PITPNC1: variants seen among roughly 807,000 people sequenced by gnomAD.
PITPNC1 encodes phosphatidylinositol transfer protein cytoplasmic 1, also known as cytoplasmic phosphatidylinositol transfer protein 1.
In PITPNC1, 18 loss-of-function variants were observed where a neutral mutation model predicts 44.7. The observed-to-expected ratio is 0.40, with a 90% CI of 0.28 to 0.60. The LOEUF is 0.60. Among genes scored for constraint, PITPNC1 ranks in the 20% least tolerant of loss-of-function variants. The pLI is 0.39. For synonymous variants in PITPNC1, 141 were observed against 149.6 expected (o/e 0.94, Z 0.42); for missense variants, 290 against 418.4 (o/e 0.69, Z 2.68).
Position 67,377,421 on chromosome 17 carries a change from A to G in PITPNC1, c.-734A>G, listed in dbSNP as rs1436026852. 7 of 152,710 alleles carry G rather than the reference A, an allele frequency of 4.6e-5. No homozygotes were observed. The highest frequency in any genetic ancestry group is 1.0e-4 in the Non-Finnish European group (7 of 67,950). The allele number at this position is 152,710 out of a possible 1,614,324, so 9.5% of individuals were successfully genotyped here. A position where few individuals can be genotyped will look rare whatever the true frequency, so the allele number is the denominator to read the frequency against. On this transcript the variant is annotated 5_prime_UTR_variant, in exon 1 of 9. Transcript: ENST00000581322. ...GGAGGGGACGCGCGCGGAAGGCGCC[A>G]GCTTCCTCCCGCCCGCCCCTGGCAG...
At chr17:67,533,001 C>T in intron 2 of PITPNC1, 51 bp downstream of exon 2, 3 of 1,498,704 alleles carry the variant, frequency 2.0e-6, no homozygotes, top group Non-Finnish European at 2.7e-6. Flanking sequence ...CCACCTGACC[C>T]CATGGTGTGA....
intron 1 of PITPNC1, among the ~76,000 whole-genome samples, chr17:67,467,896 T>C (rs58710922): frequency 0.014 from 2,107 of 152,318 alleles, 43 homozygotes; most frequent in African/African-American, 0.047. Context: ...TAGAGACTCC[T>C]AATGTGTCAG....
rs779695399 is a variant in PITPNC1, at chr17:67,532,900, C to T, written c.147C>T (p.Asp49=). 40 of 1,610,072 alleles carry T rather than the reference C, an allele frequency of 2.5e-5. No homozygotes were observed. Among genetic ancestry groups the T allele is most frequent in the Non-Finnish European group, 3.1e-5 (37 of 1,178,492 alleles). ...TCGTCCAGAATGAGCCCTTTGAGGA[C>T]CCTCACCATGGCAATGGGCAGTTCA... ...VEVVQNEPFE[D]PHHGNGQFTE... The change falls in exon 2 of 9, where the codon GAC becomes GAT. Residue 49 remains aspartate, a synonymous_variant. Coordinates refer to ENST00000581322, the MANE Select transcript of PITPNC1 (RefSeq NM_012417.4).
At chr17:67,552,805 CAAA>C (rs10601654) in intron 3 of PITPNC1, among the ~76,000 whole-genome samples, 31 of 63,456 alleles carry the variant, frequency 4.9e-4, no homozygotes, top group African/African-American at 5.0e-4. Context: ...GAGACTCCGT[CAAA>C]AAAAAAAAAA....
intron 5 of PITPNC1, among the ~76,000 whole-genome samples, chr17:67,590,766 C>T (rs772989778): frequency 2.2e-4 from 33 of 151,990 alleles, no homozygotes; most frequent in Middle Eastern, 3.4e-3. Flanking sequence ...AGTTGGAGAC[C>T]ACGGTGAAAC....
intron 8 of PITPNC1, among the ~76,000 whole-genome samples, chr17:67,689,228 AAAAT>A (rs769070205): frequency 1.1e-4 from 16 of 151,182 alleles, no homozygotes; most frequent in East Asian, 3.9e-4. Context: ...TAAATAAAGT[AAAAT>A]AAATAAATAA....
chr17:67,586,589 C>A (rs917534814), intron 5 of PITPNC1, among the ~76,000 whole-genome samples: 2 of 151,814 alleles, frequency 1.3e-5, no homozygotes, highest in Admixed American at 1.3e-4. Flanking sequence ...GAGCAAAACT[C>A]CATCTCAGGA....
At chr17:67,452,589 T>G (rs1031126776) in intron 1 of PITPNC1, among the ~76,000 whole-genome samples, 5 of 146,564 alleles carry the variant, frequency 3.4e-5, no homozygotes, top group Admixed American at 2.7e-4. Context: ...TCCTCCTGGG[T>G]TCAAGTGATT....
intron 1 of PITPNC1, among the ~76,000 whole-genome samples, chr17:67,453,627 C>T (rs1416786324): frequency 1.3e-5 from 2 of 152,180 alleles, no homozygotes; most frequent in South Asian, 2.1e-4. Context: ...ACATCAGCGA[C>T]GTTGTGGAGG....
chr17:67,650,436 A>G (rs989130292), intron 6 of PITPNC1, among the ~76,000 whole-genome samples: 8 of 131,678 alleles, frequency 6.1e-5, no homozygotes, highest in Non-Finnish European at 9.4e-5. Flanking sequence ...GCTAGAAACC[A>G]TAGGCTTTTT....
At chr17:67,480,644 A>AT (rs544828652) in intron 1 of PITPNC1, among the ~76,000 whole-genome samples, 250 of 151,478 alleles carry the variant, frequency 1.7e-3, no homozygotes, top group Non-Finnish European at 2.8e-3. Context: ...ACATGTATGT[A>AT]TTTTTTTTTG....
intron 1 of PITPNC1, among the ~76,000 whole-genome samples, chr17:67,426,795 A>AT (rs941816634): frequency 1.5e-4 from 23 of 151,952 alleles, no homozygotes; most frequent in African/African-American, 5.6e-4. Flanking sequence ...TATCATCATG[A>AT]TTTTTTTAAA....
At chr17:67,455,597 T>G (rs1009319997) in intron 1 of PITPNC1, among the ~76,000 whole-genome samples, 2 of 133,726 alleles carry the variant, frequency 1.5e-5, no homozygotes, top group Admixed American at 8.3e-5. Flanking sequence ...TTTTTTTTGT[T>G]TTTTTTTGTT....
At chr17:67,592,797 G>A (rs2041409807) in intron 5 of PITPNC1, among the ~76,000 whole-genome samples, 1 of 152,226 alleles carries the variant, frequency 6.6e-6, no homozygotes, top group Non-Finnish European at 1.5e-5. Flanking sequence ...AGCACTTTGG[G>A]AGGCCAAGGC....
At chr17:67,520,307 A>G (rs1283908759) in intron 1 of PITPNC1, among the ~76,000 whole-genome samples, 1 of 152,188 alleles carries the variant, frequency 6.6e-6, no homozygotes, top group Non-Finnish European at 1.5e-5. Context: ...CGGATGGCGC[A>G]GGATATGTGT....
At chr17:67,610,185 C>T (rs1290660516) in intron 5 of PITPNC1, among the ~76,000 whole-genome samples, 2 of 152,160 alleles carry the variant, frequency 1.3e-5, no homozygotes, top group African/African-American at 2.4e-5. Context: ...GTTAGGATCT[C>T]AGGCCCCACC....
At chr17:67,639,412 G>A (rs2144347262) in intron 6 of PITPNC1, among the ~76,000 whole-genome samples, 1 of 152,336 alleles carries the variant, frequency 6.6e-6, no homozygotes, top group South Asian at 2.1e-4. Context: ...TCTTGTTACA[G>A]ATGAAGCAAT....
intron 4 of PITPNC1, among the ~76,000 whole-genome samples, chr17:67,567,420 C>G (rs943694449): frequency 6.6e-6 from 1 of 151,590 alleles, no homozygotes; most frequent in Non-Finnish European, 1.5e-5. Flanking sequence ...GGAGGCAGAG[C>G]GTGCAGTGAG....
intron 1 of PITPNC1, among the ~76,000 whole-genome samples, chr17:67,442,308 G>GA (rs1292310003): frequency 1.0e-4 from 14 of 135,018 alleles, no homozygotes; most frequent in South Asian, 2.4e-4. Context: ...GCTCTACAAT[G>GA]AAAAAAAAAG....
Sources: allele counts gnomAD v4.1 joint callset (sites outside exome capture counted in the v4.1 genomes callset), GRCh38; gene constraint gnomAD v4.1.1; transcripts MANE v1.5; gene names NCBI Gene and HGNC (gene_info 2026-07-23, HGNC 2026-07-21).